Variants in SPOCK1 observed in about 807,000 individuals in gnomAD.
SPOCK1 encodes testican-1.
In SPOCK1, 23 loss-of-function variants were observed where a neutral mutation model predicts 55.3. The observed-to-expected ratio is 0.42, with a 90% CI of 0.30 to 0.59. The LOEUF is 0.59. Ranked by LOEUF, SPOCK1 falls within the 20% of genes least tolerant of loss-of-function variation. The probability of loss-of-function intolerance (pLI) is 0.22; values close to 1 mark genes in which losing one functional copy is unlikely to be tolerated. For missense variants in SPOCK1, 499 were observed against 552.5 expected (o/e 0.90, Z 0.97); for synonymous variants, 226 against 221.0 (o/e 1.02, Z -0.20).
intron 2 of SPOCK1, among the ~76,000 whole-genome samples, chr5:137,298,608 A>T (rs1435822055): frequency 6.6e-6 from 1 of 152,184 alleles, no homozygotes; most frequent in Admixed American, 6.5e-5. Flanking sequence ...CTCCAGCTAC[A>T]AGAGAGAATC....
chr5:137,493,225 T>C (rs1271402623), intron 2 of SPOCK1, among the ~76,000 whole-genome samples: 1 of 152,208 alleles, frequency 6.6e-6, no homozygotes, highest in Non-Finnish European at 1.5e-5. Context: ...TTGAAACACA[T>C]TATATTGAGT....
chr5:137,349,690 C>T (rs1048592436), intron 2 of SPOCK1, among the ~76,000 whole-genome samples: 1 of 152,212 alleles, frequency 6.6e-6, no homozygotes, highest in African/African-American at 2.4e-5. Context: ...TCATCTTTGG[C>T]ATTCCTTGAC....
intron 3 of SPOCK1, among the ~76,000 whole-genome samples, chr5:137,157,769 T>C (rs1211587489): frequency 6.6e-6 from 1 of 152,182 alleles, no homozygotes; most frequent in Non-Finnish European, 1.5e-5. Flanking sequence ...GTTTAAAACT[T>C]GCATATGGGG....
intron 9 of SPOCK1, among the ~76,000 whole-genome samples, chr5:136,984,184 G>A (rs1410628853): frequency 6.6e-6 from 1 of 152,154 alleles, no homozygotes; most frequent in Non-Finnish European, 1.5e-5. Context: ...TGACAACTTT[G>A]GGGAAGTCTA....
At position 137,399,363 on chromosome 5, in the gene SPOCK1, TTTGTTGTTGTTG is replaced by T. The variant is rs140515377; in HGVS notation, c.186+98998_186+99009del. Among the ~76,000 whole-genome samples, 1,474 of 150,938 alleles carry T rather than the reference TTTGTTGTTGTTG, an allele frequency of 9.8e-3. 26 individuals carry two copies. Among genetic ancestry groups the T allele is most frequent in the African/African-American group, 0.034 (1,390 of 40,986 alleles). ...ACTGGGCTATATTGCCTCTTTATTG[TTTGTTGTTGTTG>T]TTGTTGTTGTTGTTGTTGTTGTAAT... On this transcript the variant is annotated intron_variant, in intron 2 of 10. Transcript: ENST00000394945.
At chr5:137,299,217 C>A (rs1757542309) in intron 2 of SPOCK1, among the ~76,000 whole-genome samples, 1 of 152,072 alleles carries the variant, frequency 6.6e-6, no homozygotes, top group African/African-American at 2.4e-5. Flanking sequence ...TGTTGTACTA[C>A]TTAATGTAGG....
intron 4 of SPOCK1, among the ~76,000 whole-genome samples, chr5:137,133,847 T>C (rs182182264): frequency 1.5e-4 from 23 of 151,708 alleles, no homozygotes; most frequent in Non-Finnish European, 2.2e-4. Flanking sequence ...AAGAAATAGG[T>C]TTAATACCAG....
At chr5:137,032,711 T>C (rs77707553) in intron 6 of SPOCK1, among the ~76,000 whole-genome samples, 1 of 152,014 alleles carries the variant, frequency 6.6e-6, no homozygotes, top group South Asian at 2.1e-4. Context: ...GGAGAGAAAG[T>C]AGCTGAGGAT....
At chr5:137,466,699 T>C (rs551976308) in intron 2 of SPOCK1, among the ~76,000 whole-genome samples, 4 of 152,220 alleles carry the variant, frequency 2.6e-5, no homozygotes, top group Middle Eastern at 3.2e-3. Context: ...CTTAAGTGTT[T>C]AGCACAAGAC....
At chr5:137,431,206 C>T (rs1317229939) in intron 2 of SPOCK1, among the ~76,000 whole-genome samples, 3 of 152,188 alleles carry the variant, frequency 2.0e-5, no homozygotes, top group Admixed American at 1.3e-4. Context: ...AAACAAACTC[C>T]TCATTCTTTA....
intron 2 of SPOCK1, among the ~76,000 whole-genome samples, chr5:137,293,409 G>C (rs1270856975): frequency 6.6e-6 from 1 of 152,072 alleles, no homozygotes; most frequent in African/African-American, 2.4e-5. Flanking sequence ...TTTTAGGATG[G>C]ACTACATGCT....
At chr5:137,002,482 C>CAA (rs34057217) in intron 6 of SPOCK1, among the ~76,000 whole-genome samples, 5 of 136,920 alleles carry the variant, frequency 3.7e-5, no homozygotes, top group African/African-American at 8.1e-5. Flanking sequence ...ACTCTGGGGC[C>CAA]AAAAAAAAAA....
intron 2 of SPOCK1, among the ~76,000 whole-genome samples, chr5:137,272,116 C>A (rs931710411): frequency 6.6e-6 from 1 of 152,126 alleles, no homozygotes; most frequent in South Asian, 2.1e-4. Flanking sequence ...CTAAGTAGAT[C>A]AGAACTGAGT....
intron 6 of SPOCK1, among the ~76,000 whole-genome samples, chr5:137,054,455 C>T (rs570100654): frequency 1.2e-3 from 186 of 152,292 alleles, no homozygotes; most frequent in African/African-American, 4.1e-3. Context: ...GTCAGGGGGA[C>T]AGGAGTCTTC....
chr5:137,380,616 G>A (rs1751442353), intron 2 of SPOCK1, among the ~76,000 whole-genome samples: 1 of 152,160 alleles, frequency 6.6e-6, no homozygotes, highest in Non-Finnish European at 1.5e-5. Context: ...TCTTCACATG[G>A]TGGCAGAGGA....
intron 2 of SPOCK1, among the ~76,000 whole-genome samples, chr5:137,360,050 C>A (rs775988067): frequency 1.6e-4 from 24 of 152,314 alleles, no homozygotes; most frequent in Non-Finnish European, 2.6e-4. Context: ...GGATTTAAGA[C>A]CAAGAGCAAT....
At chr5:137,219,641 A>G (rs1192034530) in intron 3 of SPOCK1, among the ~76,000 whole-genome samples, 1 of 152,226 alleles carries the variant, frequency 6.6e-6, no homozygotes, top group African/African-American at 2.4e-5. Flanking sequence ...CAGAAAACAC[A>G]CAGATGTGTG....
intron 2 of SPOCK1, among the ~76,000 whole-genome samples, chr5:137,446,465 G>T (rs1753130162): frequency 6.6e-6 from 1 of 152,132 alleles, no homozygotes; most frequent in South Asian, 2.1e-4. Flanking sequence ...CTTCCCTTTG[G>T]TCTCAGCAGG....
intron 2 of SPOCK1, among the ~76,000 whole-genome samples, chr5:137,420,938 C>T (rs1752478744): frequency 1.3e-5 from 2 of 152,208 alleles, no homozygotes; most frequent in South Asian, 2.1e-4. Flanking sequence ...GCATTTAGTG[C>T]TATAAATTTC....
Sources: allele counts gnomAD v4.1 joint callset (sites outside exome capture counted in the v4.1 genomes callset), GRCh38; gene constraint gnomAD v4.1.1; transcripts MANE v1.5; gene names NCBI Gene and HGNC (gene_info 2026-07-23, HGNC 2026-07-21).